FAM107B: variants seen among roughly 807,000 people sequenced by gnomAD.
FAM107B encodes the protein protein FAM107B.
FAM107B carries 21 observed loss-of-function variants against 31.5 expected under a neutral mutation model. The observed-to-expected ratio is 0.67, with a 90% CI of 0.47 to 0.96. The LOEUF is 0.96. Among genes scored for constraint, FAM107B ranks in the 40% least tolerant of loss-of-function variants. The pLI is 0.00. For missense variants in FAM107B, 452 were observed against 377.1 expected (o/e 1.20, Z -1.64); for synonymous variants, 157 against 141.5 (o/e 1.11, Z -0.78).
chr10:14,581,432 T>A (rs895691783), intron 2 of FAM107B, among the ~76,000 whole-genome samples: 4 of 152,174 alleles, frequency 2.6e-5, no homozygotes, highest in African/African-American at 9.7e-5. Flanking sequence ...AAGAAGCAGT[T>A]GATTCAAGTG....
chr10:14,566,830 G>A (rs1394021805), intron 2 of FAM107B, among the ~76,000 whole-genome samples: 1 of 152,242 alleles, frequency 6.6e-6, no homozygotes, highest in Non-Finnish European at 1.5e-5. Flanking sequence ...AAATGCTCAT[G>A]AGAAGGAAAT....
At chr10:14,526,100 C>T (rs1042367040) in intron 3 of FAM107B, among the ~76,000 whole-genome samples, 5 of 152,200 alleles carry the variant, frequency 3.3e-5, no homozygotes, top group Non-Finnish European at 5.9e-5. Context: ...ACAATGCCTA[C>T]TCACTTAGTC....
At chr10:14,629,443 ATATTATATATATATTATATATATATT>A (rs1564606912) in intron 2 of FAM107B, among the ~76,000 whole-genome samples, 5 of 27,504 alleles carry the variant, frequency 1.8e-4, no homozygotes, top group Admixed American at 6.0e-4. Context: ...TATTATATAT[ATATTATATATATATTATATATATATT>A]TAATATATAT....
At chr10:14,579,943 A>G (rs1426799325) in intron 2 of FAM107B, among the ~76,000 whole-genome samples, 1 of 151,974 alleles carries the variant, frequency 6.6e-6, no homozygotes, top group Non-Finnish European at 1.5e-5. Context: ...AATTGCTTGA[A>G]CCCAGGAAGC....
chr10:14,697,248 C>G (rs144929343), intron 1 of FAM107B, among the ~76,000 whole-genome samples: 2 of 152,338 alleles, frequency 1.3e-5, no homozygotes, highest in African/African-American at 4.8e-5. Context: ...ATAGCCAACT[C>G]TTCTTTCGTC....
At chr10:14,586,128 C>T (rs1851823325) in intron 2 of FAM107B, among the ~76,000 whole-genome samples, 1 of 152,172 alleles carries the variant, frequency 6.6e-6, no homozygotes, top group Non-Finnish European at 1.5e-5. Flanking sequence ...CTCCTGGTTA[C>T]TGGTGACCTC....
At chr10:14,634,173 G>T (rs571638736) in intron 2 of FAM107B, among the ~76,000 whole-genome samples, 2 of 152,276 alleles carry the variant, frequency 1.3e-5, no homozygotes, top group South Asian at 4.1e-4. Context: ...AAGGTGGGTG[G>T]ATCATGAGGT....
intron 2 of FAM107B, among the ~76,000 whole-genome samples, chr10:14,597,445 T>G (rs1414189623): frequency 6.6e-6 from 1 of 152,186 alleles, no homozygotes; most frequent in African/African-American, 2.4e-5. Context: ...CCTATACACT[T>G]TACTATGACA....
chr10:14,653,878 G>C (rs1353489395), intron 2 of FAM107B: 1 of 152,156 alleles, frequency 6.6e-6, no homozygotes, highest in Non-Finnish European at 1.5e-5. Context: ...CCACAGCCAA[G>C]GAAGAGATTT....
intron 2 of FAM107B, among the ~76,000 whole-genome samples, chr10:14,591,379 A>T (rs921837582): frequency 1.3e-5 from 2 of 152,228 alleles, no homozygotes; most frequent in Non-Finnish European, 2.9e-5. Context: ...GACCGTGCAA[A>T]CGGTAATTAA....
chr10:14,643,401 G>A (rs1219339053), intron 2 of FAM107B, among the ~76,000 whole-genome samples: 1 of 149,720 alleles, frequency 6.7e-6, no homozygotes, highest in Non-Finnish European at 1.5e-5. Context: ...TATTAGGGAG[G>A]TCAGTCTAAT....
At chr10:14,641,752 G>T (rs190152439) in intron 2 of FAM107B, among the ~76,000 whole-genome samples, 43 of 152,304 alleles carry the variant, frequency 2.8e-4, no homozygotes, top group Middle Eastern at 6.8e-3. Flanking sequence ...TCACATTGAG[G>T]ATTAGGGCTT....
intron 2 of FAM107B, among the ~76,000 whole-genome samples, chr10:14,613,705 GT>G (rs1212803670): frequency 6.6e-6 from 1 of 151,970 alleles, no homozygotes; most frequent in Non-Finnish European, 1.5e-5. Flanking sequence ...CTTTCCTTCC[GT>G]CTGCCCCACA....
At chr10:14,671,193 G>T (rs74122898) in intron 1 of FAM107B, among the ~76,000 whole-genome samples, 20,028 of 152,212 alleles carry the variant, frequency 0.13, 1,600 homozygotes, top group East Asian at 0.24. Flanking sequence ...CCATCAGTCT[G>T]CTGCATTTCC....
chr10:14,547,636 T>C lies in FAM107B; in HGVS notation c.470-17121A>G, dbSNP rs74641297. 2.7e-3 allele frequency among the ~76,000 whole-genome samples: 404 copies of C among 152,324 alleles called. 4 individuals carry two copies. Among genetic ancestry groups the C allele is most frequent in the African/African-American group, 9.5e-3 (394 of 41,564 alleles). On this transcript the variant is annotated intron_variant, in intron 2 of 4. Transcript: ENST00000181796. ...ATGTCAGTGCTCAAAAAATTTTGAATTTTAGAGCATTTCAGATTTCAGATT... is the reference window on the plus strand; with the variant it reads ...ATGTCAGTGCTCAAAAAATTTTGAACTTTAGAGCATTTCAGATTTCAGATT...
At chr10:14,770,691 T>C (rs1354337616) in intron 1 of FAM107B, among the ~76,000 whole-genome samples, 1 of 152,216 alleles carries the variant, frequency 6.6e-6, no homozygotes, top group Non-Finnish European at 1.5e-5. Context: ...ATTTTAGGGT[T>C]GTTATCACTT....
Position 14,774,553 on chromosome 10 carries a change from A to G in FAM107B, c.111T>C (p.Ser37=). Reference sequence around the variant, plus strand: ...CCACGCCGGACTGATTGAAGGAAGCACTCTCCCTCGTATTCCCAAAACAGG... The same window carrying G: ...CCACGCCGGACTGATTGAAGGAAGCGCTCTCCCTCGTATTCCCAAAACAGG... ...LLACFGNTRE[S]ASFNQSGVAD... is the part of the protein sequence containing the mutation. Residue 37 remains serine (S), a synonymous_variant, in exon 1 of 5, where the codon AGT becomes AGC. Transcript: ENST00000181796. The G allele has an allele frequency of 6.2e-7, 1 of 1,613,694 alleles. No homozygotes were observed.
chr10:14,642,400 G>A (rs141917033), intron 2 of FAM107B, among the ~76,000 whole-genome samples: 1 of 152,322 alleles, frequency 6.6e-6, no homozygotes, highest in African/African-American at 2.4e-5. Flanking sequence ...TGGGCCTGAT[G>A]AGCTCTGCAT....
intron 2 of FAM107B, among the ~76,000 whole-genome samples, chr10:14,536,457 G>T (rs1032952940): frequency 3.9e-5 from 6 of 152,144 alleles, no homozygotes; most frequent in Non-Finnish European, 8.8e-5. Context: ...AGGTGGAGGC[G>T]GCAAACTCCA....
Sources: allele counts gnomAD v4.1 joint callset (sites outside exome capture counted in the v4.1 genomes callset), GRCh38; gene constraint gnomAD v4.1.1; transcripts MANE v1.5; gene names NCBI Gene and HGNC (gene_info 2026-07-23, HGNC 2026-07-21).